PSMG4: variants seen among roughly 807,000 people sequenced by gnomAD.
PSMG4 encodes proteasome (prosome, macropain) assembly chaperone 4.
Under a neutral mutation model 11.0 loss-of-function variants are expected in PSMG4, and 10 were observed. The ratio of observed to expected loss-of-function variants is 0.91; its 90% confidence interval spans 0.56 to 1.54. The LOEUF (loss-of-function observed/expected upper bound fraction) is 1.54. PSMG4 is among the 40% of genes most tolerant of loss of function. PSMG4 has a pLI of 0.00. For synonymous variants in PSMG4, 95 were observed against 71.3 expected, an observed-to-expected ratio of 1.33 and a Z score of -1.68; for missense variants, 198 against 160.9, an observed-to-expected ratio of 1.23 and a Z score of -1.25.
upstream of PSMG4, chr6:3,255,179 G>GCTCTGGTGGA: frequency 1.3e-6 from 2 of 1,550,714 alleles, no homozygotes; most frequent in Non-Finnish European, 8.7e-7. Flanking sequence ...TTACATGTGC[G>GCTCTGGTGGA]CTCTGGTGGA....
upstream of PSMG4, among the ~76,000 whole-genome samples, chr6:3,257,425 A>T (rs1757802905): frequency 1.3e-5 from 2 of 152,206 alleles, no homozygotes; most frequent in African/African-American, 4.8e-5. Context: ...TTGCCATGCC[A>T]GCCAGGCCTT....
intron 2 of PSMG4, chr6:3,264,349 A>T: frequency 6.5e-7 from 1 of 1,541,934 alleles, no homozygotes; most frequent in Non-Finnish European, 8.8e-7. Flanking sequence ...GTGCTCTGCG[A>T]CCCCCAGCCC....
At chr6:3,255,261 A>G (rs184028410), upstream of PSMG4, 6 of 1,546,466 alleles carry the variant, frequency 3.9e-6, no homozygotes, top group South Asian at 7.2e-5. Flanking sequence ...GTTCTGTGTT[A>G]CCACGGCTGT....
At position 3,259,009 on chromosome 6, in the gene PSMG4, A is replaced by G; in HGVS notation, c.-14A>G. 8.1e-7 allele frequency: 1 copy of G among 1,241,680 alleles called. No individual in the cohort carries two copies. Among genetic ancestry groups the G allele is most frequent in the East Asian group, 3.2e-5 (1 of 31,684 alleles). The allele number at this position is 1,241,680 out of a possible 1,614,324, so 76.9% of individuals were successfully genotyped here. On this transcript the variant is annotated 5_prime_UTR_variant, in exon 1 of 3. Coordinates refer to ENST00000438998, the MANE Select transcript of PSMG4 (RefSeq NM_001128591.2). Reference sequence around the variant, plus strand: ...CCCGGGTCTGGCGCTGTGGGCCGGGAGCCGTGGGGCGGCATGGAGGGGCTG... The same window carrying G: ...CCCGGGTCTGGCGCTGTGGGCCGGGGGCCGTGGGGCGGCATGGAGGGGCTG...
rs1014956042 is a variant in PSMG4 at position 3,258,978 on chromosome 6, C to T, written c.-45C>T. On this transcript the variant is annotated 5_prime_UTR_variant, in exon 1 of 3. Coordinates refer to ENST00000438998, the MANE Select transcript of PSMG4 (RefSeq NM_001128591.2). ...TCGGGTCTGGCGGGGCTGGCAGCGGCGAGGACCCGGGTCTGGCGCTGTGGG... is the reference window on the plus strand; with the variant it reads ...TCGGGTCTGGCGGGGCTGGCAGCGGTGAGGACCCGGGTCTGGCGCTGTGGG... 14 of 1,235,874 alleles carry T rather than the reference C, an allele frequency of 1.1e-5. No homozygotes were observed. The highest frequency in any genetic ancestry group is 1.3e-5 in the Non-Finnish European group (13 of 988,802). The allele number at this position is 1,235,874 out of a possible 1,614,324, so 76.6% of individuals were successfully genotyped here.
chr6:3,258,872 C>T, upstream of PSMG4: 2 of 728,896 alleles, frequency 2.7e-6, no homozygotes, highest in Admixed American at 4.4e-5. Context: ...CCCGGGATCG[C>T]CCCTCCCCGA....
upstream of PSMG4, among the ~76,000 whole-genome samples, chr6:3,255,497 G>C (rs1400128334): frequency 6.6e-6 from 1 of 152,062 alleles, no homozygotes; most frequent in Non-Finnish European, 1.5e-5. Flanking sequence ...TACCTAAACT[G>C]CCTGGCCAGG....
At chr6:3,267,464 T>G (rs1216846230) in intron 2 of PSMG4, 127 bp from the exon 3 acceptor site, 8 of 1,067,830 alleles carry the variant, frequency 7.5e-6, no homozygotes, top group East Asian at 5.5e-5. Context: ...GCATGGAGAT[T>G]AGAGCTTTCT....
upstream of PSMG4, among the ~76,000 whole-genome samples, chr6:3,254,841 A>G (rs1375097658): frequency 6.6e-6 from 1 of 152,072 alleles, no homozygotes. Context: ...GACCTTAGAA[A>G]ACACTTTAAC....
At chr6:3,255,801 C>T (rs1249639712), upstream of PSMG4, among the ~76,000 whole-genome samples, 1 of 152,208 alleles carries the variant, frequency 6.6e-6, no homozygotes, top group Non-Finnish European at 1.5e-5. Context: ...TCTTTTCAGA[C>T]AGGGCAGAGA....
chr6:3,254,696 A>T (rs985201557), upstream of PSMG4, among the ~76,000 whole-genome samples: 5 of 152,098 alleles, frequency 3.3e-5, no homozygotes, highest in Non-Finnish European at 1.5e-5. Flanking sequence ...AACAGAAAGA[A>T]GCTGTGGGAT....
intron 1 of PSMG4, among the ~76,000 whole-genome samples, chr6:3,260,803 A>G (rs565520011): frequency 6.6e-6 from 1 of 152,296 alleles, no homozygotes; most frequent in East Asian, 1.9e-4. Context: ...TTAAGACTGA[A>G]GTTGGATATT....
intron 1 of PSMG4, among the ~76,000 whole-genome samples, chr6:3,260,275 T>TTATATATATATATATATATATATA (rs1261021278): frequency 1.2e-4 from 8 of 69,094 alleles, no homozygotes; most frequent in African/African-American, 5.0e-4. Context: ...TTGTCTTAAA[T>TTATATATATATATATATATATATA]TGTATATATA....
chr6:3,264,387 T>C, intron 2 of PSMG4: 1 of 1,519,018 alleles, frequency 6.6e-7, no homozygotes, highest in African/African-American at 1.4e-5. Flanking sequence ...GTGCACAGGA[T>C]GCCTGTCTCC....
chr6:3,260,291 A>ATATTTTTTTTTTTTTTTTTTTTTTT, intron 1 of PSMG4, among the ~76,000 whole-genome samples: 1 of 70,842 alleles, frequency 1.4e-5, no homozygotes, highest in African/African-American at 5.5e-5. Context: ...ATATATATAT[A>ATATTTTTTTTTTTTTTTTTTTTTTT]TTTTTTTTTT....
rs750998014 is a variant in PSMG4 at position 3,259,231 on chromosome 6, G to GGCGGGGGC, written c.174+46_174+53dup. On this transcript the variant is annotated intron_variant, in intron 1 of 2. Coordinates refer to ENST00000438998, the MANE Select transcript of PSMG4 (RefSeq NM_001128591.2). ...TGGCGGCCGAGGGTGCGGGCGGCGG[G>GGCGGGGGC]GCGGGGGCGCGGGGGCGCCGGGCCT... is the stretch of plus-strand genomic sequence containing the variant. 6.4e-5 allele frequency: 81 copies of GGCGGGGGC among 1,256,490 alleles called. 3 individuals are homozygous for GGCGGGGGC. The South Asian group carries it at 1.5e-3, about 24-fold the overall frequency. The allele number at this position is 1,256,490 out of a possible 1,614,324, so 77.8% of individuals were successfully genotyped here.
intron 1 of PSMG4, among the ~76,000 whole-genome samples, chr6:3,260,298 T>A (rs1179198836): frequency 7.4e-6 from 1 of 135,992 alleles, no homozygotes; most frequent in Admixed American, 7.5e-5. Flanking sequence ...TATATTTTTT[T>A]TTTTTTTTTT....
chr6:3,258,119 C>T (rs7756623), upstream of PSMG4, among the ~76,000 whole-genome samples: 135,502 of 152,236 alleles, frequency 0.89, 60,505 homozygotes, highest in African/African-American at 0.94. Context: ...GCTTCCTTTT[C>T]TCAACTCTGT....
chr6:3,254,927 TTC>T (rs749182774), upstream of PSMG4: 171 of 1,103,340 alleles, frequency 1.5e-4, no homozygotes, highest in African/African-American at 2.2e-3. Context: ...GCTTCAGCCA[TTC>T]TCTCACTGGG....
Sources: allele counts gnomAD v4.1 joint callset (sites outside exome capture counted in the v4.1 genomes callset), GRCh38; gene constraint gnomAD v4.1.1; transcripts MANE v1.5; gene names NCBI Gene and HGNC (gene_info 2026-07-23, HGNC 2026-07-21).